EEF1AKMT3: variants seen among roughly 807,000 people sequenced by gnomAD.
EEF1AKMT3 encodes EEF1A lysine methyltransferase 3, also known as eEF1A-KMT3.
Under a neutral mutation model 17.8 loss-of-function variants are expected in EEF1AKMT3, and 17 were observed. That is an observed-to-expected ratio of 0.96 (90% CI 0.65 to 1.43). EEF1AKMT3 has a LOEUF of 1.43. EEF1AKMT3 is among the 40% of genes most tolerant of loss of function. The pLI is 0.00. For synonymous variants in EEF1AKMT3, 116 were observed against 126.5 expected, an observed-to-expected ratio of 0.92 and a Z score of 0.56; for missense variants, 244 against 285.8, an observed-to-expected ratio of 0.85 and a Z score of 1.06.
At chr12:57,774,375 G>A (rs1167216879) in intron 2 of EEF1AKMT3, among the ~76,000 whole-genome samples, 1 of 152,226 alleles carries the variant, frequency 6.6e-6, no homozygotes, top group Non-Finnish European at 1.5e-5. Context: ...AGCTACTTGG[G>A]AGGCTGAGAC....
chr12:57,772,831 G>C lies in EEF1AKMT3; in HGVS notation c.107G>C (p.Cys36Ser). 1 of 1,614,212 alleles carries C rather than the reference G, an allele frequency of 6.2e-7. No homozygotes were observed. Among genetic ancestry groups the C allele is most frequent in the Non-Finnish European group, 8.5e-7 (1 of 1,180,016 alleles). ...SYSEKSQFCF[C>S]GHVLTITQNF... ...TCGGAGAAGAGCCAGTTCTGTTTCT[G>C]TGGGCATGTGCTGACCATCACGCAG... The change falls in exon 1 of 3, where the codon TGT (cysteine) becomes TCT (serine). Residue 36 changes from cysteine to serine, a missense_variant. Physicochemically the swap from Cys to Ser is moderately radical, Grantham distance 112. Coordinates refer to ENST00000300209, the MANE Select transcript of EEF1AKMT3 (RefSeq NM_015433.3). This position sits in a 1 kb window ranked among gnomAD's most constrained non-coding sequence, Gnocchi z 4.1.
chr12:57,775,449 T>C (rs1955474862), intron 2 of EEF1AKMT3, among the ~76,000 whole-genome samples: 1 of 151,352 alleles, frequency 6.6e-6, no homozygotes, highest in Non-Finnish European at 1.5e-5. Flanking sequence ...TGGCATGATC[T>C]CGGCTCACCG....
At chr12:57,778,256 T>C (rs1955491984) in intron 2 of EEF1AKMT3, among the ~76,000 whole-genome samples, 1 of 134,152 alleles carries the variant, frequency 7.5e-6, no homozygotes, top group African/African-American at 2.8e-5. Flanking sequence ...TTTGGTCTTC[T>C]AGTTGGTCAG....
At chr12:57,778,781 T>C (rs1401291161) in intron 2 of EEF1AKMT3, among the ~76,000 whole-genome samples, 2 of 152,164 alleles carry the variant, frequency 1.3e-5, no homozygotes, top group Admixed American at 1.3e-4. Context: ...CTAACTGGTC[T>C]CCTAGCTTCT....
At chr12:57,776,865 G>A (rs1955483822) in intron 2 of EEF1AKMT3, among the ~76,000 whole-genome samples, 1 of 152,060 alleles carries the variant, frequency 6.6e-6, no homozygotes, top group Admixed American at 6.6e-5. Flanking sequence ...TGGCCAGGCT[G>A]GTCACAAACT....
intron 2 of EEF1AKMT3, chr12:57,774,919 A>C: frequency 1.7e-6 from 1 of 592,824 alleles, no homozygotes; most frequent in Non-Finnish European, 2.9e-6. Context: ...CAGCCTGACC[A>C]ACATGGAGAA....
intron 2 of EEF1AKMT3, chr12:57,774,728 C>T (rs767384791): frequency 1.2e-5 from 19 of 1,612,466 alleles, no homozygotes; most frequent in Non-Finnish European, 1.5e-5. Flanking sequence ...TCCATGTCTA[C>T]CATGACTCCC....
At chr12:57,778,291 AGC>A (rs1955492192) in intron 2 of EEF1AKMT3, among the ~76,000 whole-genome samples, 2 of 3,032 alleles carry the variant, frequency 6.6e-4, no homozygotes, top group South Asian at 0.013. Flanking sequence ...AACCATCCTG[AGC>A]TTTTTTTTTT....
chr12:57,779,244 A>G (rs954098934), intron 2 of EEF1AKMT3, among the ~76,000 whole-genome samples: 1 of 152,044 alleles, frequency 6.6e-6, no homozygotes, highest in Non-Finnish European at 1.5e-5. Context: ...TCCCTCAAGC[A>G]ATTCTTATCC....
At chr12:57,778,305 T>TTTTTTTTTTTTTTTTTTTTTA (rs1955492969) in intron 2 of EEF1AKMT3, among the ~76,000 whole-genome samples, 1 of 133,274 alleles carries the variant, frequency 7.5e-6, no homozygotes, top group Non-Finnish European at 1.6e-5. Flanking sequence ...TTTTTTTTTT[T>TTTTTTTTTTTTTTTTTTTTTA]TTTGAGACAG....
intron 2 of EEF1AKMT3, among the ~76,000 whole-genome samples, chr12:57,777,092 C>G (rs1403023179): frequency 6.6e-6 from 1 of 152,180 alleles, no homozygotes; most frequent in East Asian, 1.9e-4. Context: ...ATTGTGCTAG[C>G]TAAGGTCAAG....
rs754887899 is a variant in EEF1AKMT3 at position 57,773,134 on chromosome 12, T to A, written c.289+6T>A. 9 of 1,613,708 alleles carry A rather than the reference T, an allele frequency of 5.6e-6. No homozygotes were observed. The highest frequency in any genetic ancestry group is 6.8e-6 in the Non-Finnish European group (8 of 1,179,822). On this transcript the variant is annotated splice_donor_region_variant and intron_variant, in intron 2 of 2. Transcript: ENST00000300209. ...GATCTTGGCAGCGCTGCAGGGTGCG[T>A]GAGCTGGCTTTTTACGGGAGAGAGT...
In EEF1AKMT3 at chr12:57,773,055, G is replaced by A; in HGVS notation, c.216G>A (p.Val72=). The change falls in exon 2 of 3, where the codon GTG becomes GTA. Residue 72 remains valine, a synonymous_variant. Coordinates refer to ENST00000300209, the MANE Select transcript of EEF1AKMT3 (RefSeq NM_015433.3). The part of the protein sequence containing the change: ...SLCNYFESQN[V]DFRGKKVIEL... ...GCAATTATTTCGAGAGTCAAAATGT[G>A]GATTTCCGAGGCAAGAAGGTGATCG... The A allele has an allele frequency of 6.2e-7, 1 of 1,614,136 alleles. No individual in the cohort carries two copies. Among genetic ancestry groups the A allele is most frequent in the Non-Finnish European group, 8.5e-7 (1 of 1,180,030 alleles).
intron 2 of EEF1AKMT3, among the ~76,000 whole-genome samples, chr12:57,778,805 T>C (rs1955495611): frequency 6.6e-6 from 1 of 152,180 alleles, no homozygotes; most frequent in Admixed American, 6.5e-5. Flanking sequence ...CTTGCCCTCC[T>C]GTACTCTTCT....
chr12:57,773,250 C>CA (rs1310843833), intron 2 of EEF1AKMT3, 122 bp downstream of exon 2: 2 of 911,996 alleles, frequency 2.2e-6, no homozygotes, highest in Admixed American at 2.6e-5. Context: ...TTCTTTTTAA[C>CA]AAATTTTTTT....
At chr12:57,778,071 C>T (rs1955490972) in intron 2 of EEF1AKMT3, among the ~76,000 whole-genome samples, 1 of 151,388 alleles carries the variant, frequency 6.6e-6, no homozygotes. Context: ...CTAAGACTAT[C>T]CCATTTCTAT....
At position 57,780,820 on chromosome 12, in the gene EEF1AKMT3, A is replaced by G. The variant is rs1163616234; in HGVS notation, c.*174A>G. On this transcript the variant is annotated 3_prime_UTR_variant, in exon 3 of 3. Coordinates refer to ENST00000300209, the MANE Select transcript of EEF1AKMT3 (RefSeq NM_015433.3). ...CAGATACTCTTGGGCAGGTGCAGTG[A>G]GGTGCCTGCTTACAAGGAATCCCAG... 2.5e-6 allele frequency: 2 copies of G among 815,182 alleles called. No homozygotes were observed. Among genetic ancestry groups the G allele is most frequent in the Non-Finnish European group, 3.7e-6 (2 of 534,610 alleles). The allele number at this position is 815,182 out of a possible 1,614,324, so 50.5% of individuals were successfully genotyped here.
At position 57,780,980 on chromosome 12, in the gene EEF1AKMT3, A is replaced by C; in HGVS notation, c.*334A>C. 1 of 355,110 alleles carries C rather than the reference A, an allele frequency of 2.8e-6. No homozygotes were observed. Among genetic ancestry groups the C allele is most frequent in the South Asian group, 3.2e-5 (1 of 30,994 alleles). The allele number at this position is 355,110 out of a possible 1,614,324, so 22.0% of individuals were successfully genotyped here. On this transcript the variant is annotated 3_prime_UTR_variant, in exon 3 of 3. Transcript: ENST00000300209. ...GGATGTGAGAGCAGTGATTGTAGAC[A>C]GACTGTCACTGATCACTTCCATTCC...
Position 57,780,504 on chromosome 12 carries a change from C to T in EEF1AKMT3, c.539C>T (p.Ser180Phe), listed in dbSNP as rs1159073970. The T allele has an allele frequency of 1.2e-6, 2 of 1,614,204 alleles. No individual in the cohort carries two copies. Among genetic ancestry groups the T allele is most frequent in the Admixed American group, 3.3e-5 (2 of 60,024 alleles). ...CCCCATGGCACCATCTATCTGGCCT[C>T]CAAGATGAGAAAGGAGCATGGGACA... ...CRPHGTIYLA[S>F]KMRKEHGTES... Residue 180 changes from serine to phenylalanine, a missense_variant, in exon 3 of 3, where the codon TCC becomes TTC. Transcript: ENST00000300209.
Sources: gnomAD v4.1 joint callset for allele counts (sites outside exome capture counted in the v4.1 genomes callset) on GRCh38, gnomAD v4.1.1 for gene constraint, Gnocchi (gnomAD v3.1) non-coding constraint, MANE v1.5 for transcripts, NCBI Gene and HGNC (gene_info 2026-07-23, HGNC 2026-07-21) for gene names.